PIEZO2: variants seen among roughly 807,000 people sequenced by gnomAD.
PIEZO2 encodes the protein piezo type mechanosensitive ion channel component 2.
PIEZO2 carries 172 observed loss-of-function variants against 337.3 expected under a neutral mutation model. The ratio of observed to expected loss-of-function variants is 0.51; its 90% CI spans 0.45 to 0.58. PIEZO2 has a LOEUF of 0.58. Among genes scored for constraint, PIEZO2 ranks in the 20% least tolerant of loss-of-function variants. PIEZO2 has a pLI of 0.00. For synonymous variants in PIEZO2, 1,251 were observed against 1,228.5 expected (o/e 1.02, Z -0.38); for missense variants, 3,028 against 3,391.3 (o/e 0.89, Z 2.66).
chr18:11,014,094 G>A (rs1164257837), intron 2 of PIEZO2, among the ~76,000 whole-genome samples: 15 of 152,242 alleles, frequency 9.9e-5, no homozygotes, highest in Admixed American at 9.8e-4. Context: ...TCTGCTGAGC[G>A]TTACAGCTCT....
rs186003273 is a variant in PIEZO2, at chr18:10,878,916, T to A, written c.330-7501A>T. On this transcript the variant is annotated intron_variant, in intron 4 of 55. Coordinates refer to ENST00000674853, the MANE Select transcript of PIEZO2 (RefSeq NM_001378183.1). The surrounding 1 kb of genome is among the most constrained non-coding windows in gnomAD (Gnocchi z 4.3). ...GGTAGTGCAGGTGGTGTTTTCACAA[T>A]GAGTGTCAGGTGTGGTTAGGACTTT... Among the ~76,000 whole-genome samples the A allele has an allele frequency of 3.9e-5, 6 of 152,216 alleles. No homozygotes were observed. In the East Asian group the frequency reaches 1.2e-3, roughly 29 times the overall value.
chr18:11,059,280 C>T (rs1388054550), intron 2 of PIEZO2, among the ~76,000 whole-genome samples: 2 of 152,162 alleles, frequency 1.3e-5, no homozygotes, highest in African/African-American at 4.8e-5. Flanking sequence ...AAGGAACAAC[C>T]AGTACCAGCC....
rs113008219 is a variant in PIEZO2, at chr18:10,873,074, C to G, written c.330-1659G>C. Among the ~76,000 whole-genome samples the G allele has an allele frequency of 5.5e-3, 836 of 152,136 alleles. 8 individuals are homozygous for G. Among genetic ancestry groups the G allele is most frequent in the African/African-American group, 0.019 (804 of 41,502 alleles). On this transcript the variant is annotated intron_variant, in intron 4 of 55. Transcript: ENST00000674853. The stretch of plus-strand genomic sequence containing the variant: ...ACACATATATACATATTCATATGCA[C>G]TTTAAGTGATTACACACTGTATTCG...
intron 7 of PIEZO2, among the ~76,000 whole-genome samples, chr18:10,845,442 C>T (rs1015547853): frequency 9.2e-5 from 14 of 152,054 alleles, no homozygotes; most frequent in Admixed American, 5.2e-4. Context: ...AACTGGAAAT[C>T]AGTAAAGACA....
rs1030187663 is a variant in PIEZO2 at position 10,766,342 on chromosome 18, G to T, written c.2947-3244C>A. ...AGAAGTAGGAGGAGAAGGAGGAGGA[G>T]GAGGACAATGACTATGACAAATACC... On this transcript the variant is annotated intron_variant, in intron 21 of 55. Transcript: ENST00000674853. The surrounding 1 kb of genome is among the most constrained non-coding windows in gnomAD (Gnocchi z 6.1). Among the ~76,000 whole-genome samples the T allele has an allele frequency of 1.3e-5, 2 of 151,888 alleles. No individual in the cohort carries two copies. Among genetic ancestry groups the T allele is most frequent in the Non-Finnish European group, 2.9e-5 (2 of 67,968 alleles).
chr18:10,835,575 GCT>G (rs1246689273), intron 7 of PIEZO2, among the ~76,000 whole-genome samples: 3 of 144,908 alleles, frequency 2.1e-5, no homozygotes, highest in African/African-American at 7.7e-5. Context: ...ACGGAGTCTC[GCT>G]CTGTCACCCA....
chr18:10,930,473 T>C (rs969683146), intron 3 of PIEZO2, among the ~76,000 whole-genome samples: 5 of 152,244 alleles, frequency 3.3e-5, no homozygotes, highest in African/African-American at 9.6e-5. Context: ...ACTCCTTATA[T>C]GTATTAATTT....
At position 10,924,165 on chromosome 18, in the gene PIEZO2, T is replaced by C. The variant is rs191241763; in HGVS notation, c.287-12937A>G. Among the ~76,000 whole-genome samples the C allele has an allele frequency of 1.8e-3, 277 of 152,340 alleles. 2 individuals carry two copies. The highest frequency in any genetic ancestry group is 6.2e-3 in the African/African-American group (257 of 41,574). On this transcript the variant is annotated intron_variant, in intron 3 of 55. Coordinates refer to ENST00000674853, the MANE Select transcript of PIEZO2 (RefSeq NM_001378183.1). The stretch of plus-strand genomic sequence containing the variant: ...ACACACACACCCAACCCTTGCAACA[T>C]ACACACTCTGAAGCAAAAGTGTGAG...
intron 1 of PIEZO2, among the ~76,000 whole-genome samples, chr18:11,145,805 G>T (rs2040794854): frequency 6.6e-6 from 1 of 152,180 alleles, no homozygotes; most frequent in African/African-American, 2.4e-5. Flanking sequence ...TTTCCAGAAT[G>T]CAGGTTATCT....
intron 7 of PIEZO2, among the ~76,000 whole-genome samples, chr18:10,851,472 A>G (rs1404907508): frequency 2.0e-5 from 3 of 152,120 alleles, no homozygotes; most frequent in Non-Finnish European, 4.4e-5. Context: ...GATGTACCGA[A>G]ATGTCTGTAA....
intron 3 of PIEZO2, among the ~76,000 whole-genome samples, chr18:10,916,690 A>G (rs927246875): frequency 7.2e-5 from 11 of 152,088 alleles, no homozygotes; most frequent in Admixed American, 1.3e-4. Context: ...AAGGAGAGGG[A>G]GCCAGCTGCA....
At chr18:11,051,366 T>TGTGTGTGTGG (rs1210916528) in intron 2 of PIEZO2, among the ~76,000 whole-genome samples, 3 of 150,004 alleles carry the variant, frequency 2.0e-5, no homozygotes, top group Non-Finnish European at 4.5e-5. Flanking sequence ...TGTGTGTGTG[T>TGTGTGTGTGG]GTGGGTGTGG....
chr18:10,826,084 T>C (rs572755540), intron 7 of PIEZO2, among the ~76,000 whole-genome samples: 1 of 152,290 alleles, frequency 6.6e-6, no homozygotes, highest in African/African-American at 2.4e-5. Context: ...AATTATTCCA[T>C]CTTTGACCAC....
chr18:11,074,902 G>A (rs2038477739), intron 1 of PIEZO2, among the ~76,000 whole-genome samples: 1 of 152,174 alleles, frequency 6.6e-6, no homozygotes, highest in African/African-American at 2.4e-5. Flanking sequence ...TGCTATTAAA[G>A]GTAAGTGCTC....
chr18:10,884,434 T>C (rs1253144050), intron 4 of PIEZO2, among the ~76,000 whole-genome samples: 4 of 152,156 alleles, frequency 2.6e-5, no homozygotes, highest in Admixed American at 6.5e-5. Flanking sequence ...TCTTATAGCT[T>C]ATTGTTTGGA....
In PIEZO2 at chr18:10,853,083, G is replaced by C. The variant is rs1220995288; in HGVS notation, c.917+2270C>G. 6.6e-6 allele frequency among the ~76,000 whole-genome samples: 1 copy of C among 152,220 alleles called. No individual in the cohort carries two copies. The highest frequency in any genetic ancestry group is 1.5e-5 in the Non-Finnish European group (1 of 68,044). On this transcript the variant is annotated intron_variant, in intron 7 of 55. Transcript: ENST00000674853. The surrounding 1 kb of genome is among the most constrained non-coding windows in gnomAD (Gnocchi z 4.2). Reference sequence around the variant, plus strand: ...AAATGGCGGAGTTTAACTGGTACATGACCTTGTAGGAGCATTCGGTGAGGG... The same window carrying C: ...AAATGGCGGAGTTTAACTGGTACATCACCTTGTAGGAGCATTCGGTGAGGG...
chr18:10,792,968 C>T (rs946198512), intron 13 of PIEZO2, among the ~76,000 whole-genome samples: 2 of 152,184 alleles, frequency 1.3e-5, no homozygotes, highest in African/African-American at 4.8e-5. Flanking sequence ...AAATTATAGC[C>T]ATTCTGGCTG....
chr18:10,858,630 A>G (rs2041791841), intron 5 of PIEZO2, among the ~76,000 whole-genome samples: 1 of 152,174 alleles, frequency 6.6e-6, no homozygotes, highest in Non-Finnish European at 1.5e-5. Flanking sequence ...CTGACCTCTT[A>G]CTATGACCAA....
At chr18:10,774,781 G>T (rs1041186611) in intron 18 of PIEZO2, among the ~76,000 whole-genome samples, 19 of 152,182 alleles carry the variant, frequency 1.2e-4, no homozygotes, top group Admixed American at 4.6e-4. Flanking sequence ...TAGACATACT[G>T]ATAGTCTTCT....
Sources: allele counts gnomAD v4.1 joint callset (sites outside exome capture counted in the v4.1 genomes callset), GRCh38; gene constraint gnomAD v4.1.1; non-coding constraint Gnocchi (gnomAD v3.1); transcripts MANE v1.5; gene names NCBI Gene and HGNC (gene_info 2026-07-23, HGNC 2026-07-21).